The following LRRIQ1 variants were observed in gnomAD, a reference collection of about 807,000 sequenced individuals.
LRRIQ1 encodes the protein leucine rich repeats and IQ motif containing 1.
Under a neutral mutation model 211.9 loss-of-function variants are expected in LRRIQ1, and 210 were observed. The ratio of observed to expected loss-of-function variants is 0.99; its 90% CI spans 0.89 to 1.11. The LOEUF (loss-of-function observed/expected upper bound fraction) is 1.11. LRRIQ1 is among the 50% of genes most tolerant of loss of function. LRRIQ1 has a pLI of 0.00. For missense variants in LRRIQ1, 2,136 were observed against 1,939.5 expected, an observed-to-expected ratio of 1.10 and a Z score of -1.90; for synonymous variants, 699 against 650.1, an observed-to-expected ratio of 1.08 and a Z score of -1.14.
At chr12:85,253,959 G>C (rs1267584215) in intron 1 of LRRIQ1, among the ~76,000 whole-genome samples, 1 of 152,042 alleles carries the variant, frequency 6.6e-6, no homozygotes. Flanking sequence ...AGTGTGGGAA[G>C]TGGGGACTGA....
downstream of LRRIQ1, among the ~76,000 whole-genome samples, chr12:85,269,283 G>C (rs1221276908): frequency 1.3e-5 from 2 of 151,914 alleles, no homozygotes; most frequent in African/African-American, 4.8e-5. Flanking sequence ...CTACGTGATG[G>C]TTTTCAAAAT....
chr12:85,045,866 A>G (rs1036624574), intron 4 of LRRIQ1, among the ~76,000 whole-genome samples, 154 bp from the exon 5 acceptor site: 42 of 152,060 alleles, frequency 2.8e-4, no homozygotes, highest in Middle Eastern at 3.2e-3. Flanking sequence ...AAAGAGAATA[A>G]TTATCAATGT....
intron 15 of LRRIQ1, among the ~76,000 whole-genome samples, chr12:85,111,062 G>T (rs1887137583): frequency 2.0e-5 from 3 of 152,056 alleles, no homozygotes; most frequent in Admixed American, 2.0e-4. Flanking sequence ...AAATAACCCA[G>T]AAATCTGTGT....
At chr12:85,101,262 G>A (rs964268771) in intron 13 of LRRIQ1, among the ~76,000 whole-genome samples, 1 of 151,744 alleles carries the variant, frequency 6.6e-6, no homozygotes, top group Admixed American at 6.6e-5. Flanking sequence ...TATAAAGAAT[G>A]ATACTTAGTA....
chr12:85,070,450 T>A lies in LRRIQ1; in HGVS notation c.2696-2457T>A, dbSNP rs973084404. ...CTGGAATTCTTTAATCAATTAGAAC[T>A]ATTTTGTTATCCTGAAATGGTTTGT... On this transcript the variant is annotated intron_variant, in intron 10 of 26. Transcript: ENST00000393217. Among the ~76,000 whole-genome samples, 3 of 152,142 alleles carry A rather than the reference T, an allele frequency of 2.0e-5. No homozygotes were observed. The East Asian group carries it at 5.8e-4, about 30-fold the overall frequency.
At chr12:85,210,735 A>T (rs530466844) in intron 24 of LRRIQ1, among the ~76,000 whole-genome samples, 101 of 152,198 alleles carry the variant, frequency 6.6e-4, no homozygotes, top group African/African-American at 2.4e-3. Context: ...TCTGGAAGTG[A>T]GGCATGTACT....
chr12:85,271,720 C>G, the LRRIQ1 span, among the ~76,000 whole-genome samples: 2 of 152,106 alleles, frequency 1.3e-5, no homozygotes, highest in Non-Finnish European at 2.9e-5. Context: ...AAAATATCCT[C>G]AGAGCTTTAT....
At chr12:85,112,418 T>C (rs989937906) in intron 15 of LRRIQ1, among the ~76,000 whole-genome samples, 4 of 151,082 alleles carry the variant, frequency 2.6e-5, no homozygotes, top group Non-Finnish European at 5.9e-5. Context: ...TAAGAAATAT[T>C]TCTAACTTGG....
At chr12:85,142,555 A>G (rs1026577849) in intron 19 of LRRIQ1, among the ~76,000 whole-genome samples, 1 of 151,408 alleles carries the variant, frequency 6.6e-6, no homozygotes, top group African/African-American at 2.4e-5. Flanking sequence ...GATCTTTTGA[A>G]CTTATTCCTC....
intron 13 of LRRIQ1, among the ~76,000 whole-genome samples, chr12:85,100,201 G>T (rs1886241077): frequency 6.6e-6 from 1 of 151,704 alleles, no homozygotes; most frequent in African/African-American, 2.4e-5. Context: ...AATATTTAAA[G>T]AGATTATAAA....
At chr12:85,122,080 T>A (rs1418725123) in intron 16 of LRRIQ1, among the ~76,000 whole-genome samples, 2 of 152,176 alleles carry the variant, frequency 1.3e-5, no homozygotes, top group Non-Finnish European at 2.9e-5. Context: ...ATTTCAAATA[T>A]TTAAATGCTA....
Position 85,244,697 on chromosome 12 carries a change from G to A in LRRIQ1, c.5017-92G>A, listed in dbSNP as rs772446455. The A allele has an allele frequency of 1.9e-5, 21 of 1,088,966 alleles. No homozygotes were observed. In the Middle Eastern group the frequency reaches 7.2e-4, roughly 38 times the overall value. The allele number at this position is 1,088,966 out of a possible 1,614,324, so 67.5% of individuals were successfully genotyped here. A position where few individuals can be genotyped will look rare whatever the true frequency, so the allele number is the denominator to read the frequency against. On this transcript the variant is annotated intron_variant, in intron 26 of 26. Transcript: ENST00000393217. ...ATTTTGAAGAAGGTTGTTTGACAGA[G>A]CCTGTTTGTTTATTTGGGGTAATGT...
intron 14 of LRRIQ1, among the ~76,000 whole-genome samples, chr12:85,106,265 C>T (rs1886776377): frequency 6.6e-6 from 1 of 152,140 alleles, no homozygotes; most frequent in Non-Finnish European, 1.5e-5. Flanking sequence ...AATCCTAACC[C>T]TATAAGACAG....
At chr12:85,073,576 G>A (rs1220031421) in intron 11 of LRRIQ1, among the ~76,000 whole-genome samples, 3 of 152,042 alleles carry the variant, frequency 2.0e-5, no homozygotes, top group South Asian at 2.1e-4. Flanking sequence ...AGTGCTGTAC[G>A]AATTTTTTTG....
intron 11 of LRRIQ1, among the ~76,000 whole-genome samples, chr12:85,095,477 G>T (rs1885790251): frequency 6.6e-6 from 1 of 152,128 alleles, no homozygotes; most frequent in Non-Finnish European, 1.5e-5. Context: ...CTTGATTGTG[G>T]TGAGTTACCT....
rs374855317 is a variant in LRRIQ1 at position 85,044,802 on chromosome 12, T to C, written c.329T>C (p.Leu110Ser). The C allele has an allele frequency of 1.6e-5, 22 of 1,413,282 alleles. No homozygotes were observed. Among genetic ancestry groups the C allele is most frequent in the Non-Finnish European group, 1.6e-5 (16 of 1,004,622 alleles). The allele number at this position is 1,413,282 out of a possible 1,614,324, so 87.5% of individuals were successfully genotyped here. A position where few individuals can be genotyped will look rare whatever the true frequency, so the allele number is the denominator to read the frequency against. Residue 110 changes from leucine to serine, a missense_variant, in exon 4 of 27, where the codon TTA becomes TCA. Coordinates refer to ENST00000393217, the MANE Select transcript of LRRIQ1 (RefSeq NM_001079910.2). Reference protein sequence around the residue: ...STEYEESSEQLIKILSEIEKE... With the variant: ...STEYEESSEQSIKILSEIEKE... ...GAATATGAAGAAAGTTCAGAGCAAT[T>C]AATTAAGGTATATATTCAATATTTG... is the stretch of plus-strand genomic sequence containing the variant.
At chr12:85,090,510 G>A (rs1045365935) in intron 11 of LRRIQ1, among the ~76,000 whole-genome samples, 14 of 152,304 alleles carry the variant, frequency 9.2e-5, no homozygotes, top group Non-Finnish European at 1.9e-4. Context: ...GACCTTGGAA[G>A]TCCAACCCTT....
chr12:85,183,222 C>T (rs906049953), intron 24 of LRRIQ1, among the ~76,000 whole-genome samples: 7 of 152,162 alleles, frequency 4.6e-5, no homozygotes, highest in Admixed American at 3.9e-4. Context: ...ATGCAGTTTT[C>T]GTGATGTCCT....
intron 24 of LRRIQ1, among the ~76,000 whole-genome samples, chr12:85,169,524 C>G (rs1191266562): frequency 1.3e-5 from 2 of 152,152 alleles, no homozygotes; most frequent in East Asian, 3.9e-4. Flanking sequence ...AGCCCTCTTT[C>G]TGTTCCTCAA....
Sources: allele counts gnomAD v4.1 joint callset (sites outside exome capture counted in the v4.1 genomes callset), GRCh38; gene constraint gnomAD v4.1.1; transcripts MANE v1.5; gene names NCBI Gene and HGNC (gene_info 2026-07-23, HGNC 2026-07-21).